Variants in LHFPL3 observed in about 807,000 individuals in gnomAD.
LHFPL3 encodes LHFPL tetraspan subfamily member 3 protein.
In LHFPL3, 5 loss-of-function variants were observed where a neutral mutation model predicts 19.3. That is an observed-to-expected ratio of 0.26 (90% confidence interval 0.14 to 0.54). The LOEUF is 0.54. Ranked by LOEUF, LHFPL3 falls within the 20% of genes least tolerant of loss-of-function variation. The pLI, the probability that LHFPL3 is intolerant of heterozygous loss-of-function variation, is 0.94. For synonymous variants in LHFPL3, 133 were observed against 126.2 expected (o/e 1.05, Z -0.36); for missense variants, 249 against 307.4 (o/e 0.81, Z 1.42).
intron 2 of LHFPL3, among the ~76,000 whole-genome samples, chr7:104,845,093 G>A (rs934015653): frequency 2.4e-4 from 36 of 152,192 alleles, no homozygotes; most frequent in African/African-American, 8.4e-4. Flanking sequence ...ACATGGTGAG[G>A]TAAGTGCTAC....
chr7:104,525,247 CTG>C (rs1488375283), intron 1 of LHFPL3, among the ~76,000 whole-genome samples: 5 of 152,166 alleles, frequency 3.3e-5, no homozygotes, highest in African/African-American at 7.2e-5. Context: ...ACTCATGTCA[CTG>C]TGTCTACATG....
chr7:104,611,313 C>T (rs1418166475), intron 1 of LHFPL3, among the ~76,000 whole-genome samples: 2 of 152,142 alleles, frequency 1.3e-5, no homozygotes, highest in African/African-American at 2.4e-5. Flanking sequence ...AGATTAGATC[C>T]AAAGTCATGT....
intron 1 of LHFPL3, among the ~76,000 whole-genome samples, chr7:104,579,860 C>T (rs983141187): frequency 6.6e-6 from 1 of 152,162 alleles, no homozygotes; most frequent in African/African-American, 2.4e-5. Flanking sequence ...TTGGAGCTGA[C>T]TGCATATCTA....
At position 104,623,482 on chromosome 7, in the gene LHFPL3, T is replaced by C. The variant is rs182889892; in HGVS notation, c.446-113193T>C. ...CTGTCTCTACTAAAAATACAAAAAC[T>C]AGCCGGGCATGGTGGTGCATGCCTG... is the stretch of plus-strand genomic sequence containing the variant. On this transcript the variant is annotated intron_variant, in intron 1 of 2. Transcript: ENST00000424859. Among the ~76,000 whole-genome samples the C allele has an allele frequency of 6.2e-3, 757 of 121,692 alleles. 6 individuals are homozygous for C. Among genetic ancestry groups the C allele is most frequent in the African/African-American group, 0.021 (713 of 33,622 alleles). 79.8% of individuals were successfully genotyped at this position (121,692 alleles called of 152,430 possible).
intron 1 of LHFPL3, among the ~76,000 whole-genome samples, chr7:104,641,763 G>A (rs1327049939): frequency 6.6e-6 from 1 of 152,132 alleles, no homozygotes; most frequent in African/African-American, 2.4e-5. Flanking sequence ...ATGTTCACAA[G>A]ATTGCCTGTT....
intron 1 of LHFPL3, among the ~76,000 whole-genome samples, chr7:104,434,241 C>T (rs1792058650): frequency 6.6e-6 from 1 of 152,140 alleles, no homozygotes; most frequent in Non-Finnish European, 1.5e-5. Context: ...AGAGCTAGGG[C>T]ATAAAAAAGG....
At chr7:104,451,682 A>G (rs1213436780) in intron 1 of LHFPL3, among the ~76,000 whole-genome samples, 1 of 152,114 alleles carries the variant, frequency 6.6e-6, no homozygotes, top group African/African-American at 2.4e-5. Context: ...TATTTTTTAA[A>G]TATTTTTGTT....
intron 1 of LHFPL3, among the ~76,000 whole-genome samples, chr7:104,553,396 T>C (rs1470730909): frequency 6.6e-6 from 1 of 152,164 alleles, no homozygotes; most frequent in Non-Finnish European, 1.5e-5. Flanking sequence ...ATAAAGAGTC[T>C]AACATCCTCA....
intron 2 of LHFPL3, among the ~76,000 whole-genome samples, chr7:104,880,891 C>T (rs965115470): frequency 6.6e-6 from 1 of 152,280 alleles, no homozygotes; most frequent in East Asian, 1.9e-4. Context: ...CTTTGTGTGG[C>T]CAGGCGCGGT....
chr7:104,728,735 A>G (rs1259415496), intron 1 of LHFPL3, among the ~76,000 whole-genome samples: 3 of 152,048 alleles, frequency 2.0e-5, no homozygotes, highest in African/African-American at 2.4e-5. Flanking sequence ...ATGCTTACTC[A>G]TTTTTCGCCT....
At chr7:104,805,158 C>A (rs949513332) in intron 2 of LHFPL3, among the ~76,000 whole-genome samples, 1 of 152,182 alleles carries the variant, frequency 6.6e-6, no homozygotes, top group Non-Finnish European at 1.5e-5. Flanking sequence ...CTTCCATTTA[C>A]CTTTCAGAGA....
chr7:104,424,850 T>A (rs768325650), intron 1 of LHFPL3, among the ~76,000 whole-genome samples: 1 of 151,668 alleles, frequency 6.6e-6, no homozygotes, highest in Non-Finnish European at 1.5e-5. Flanking sequence ...GGCGTGGTGG[T>A]GGGCACCTGT....
At position 104,614,589 on chromosome 7, in the gene LHFPL3, CTCTCTTCTCTTCTCT is replaced by C. The variant is rs148097671; in HGVS notation, c.446-122035_446-122021del. On this transcript the variant is annotated intron_variant, in intron 1 of 2. Transcript: ENST00000424859. Reference sequence around the variant, plus strand: ...TCCAAAGAGCCTCCTCTTCTCTTCTCTCTCTTCTCTTCTCTTCTCTTCTCTTCTCTTCTCTTCTCT... The same window carrying C: ...TCCAAAGAGCCTCCTCTTCTCTTCTCTCTCTTCTCTTCTCTTCTCTTCTCT... 8.2e-3 allele frequency among the ~76,000 whole-genome samples: 523 copies of C among 63,856 alleles called. 11 individuals are homozygous for C. Among genetic ancestry groups the C allele is most frequent in the African/African-American group, 0.025 (462 of 18,436 alleles). 41.9% of individuals were successfully genotyped at this position (63,856 alleles called of 152,430 possible). A position where few individuals can be genotyped will look rare whatever the true frequency, so the allele number is the denominator to read the frequency against.
In LHFPL3 at chr7:104,381,653, G is replaced by A. The variant is rs565578572; in HGVS notation, c.445+52429G>A. ...ATATAAAGTTGTGAGTAAAACAGAGGTGGTTCCTGCTTTCATAGGACTTAA... is the reference window on the plus strand; with the variant it reads ...ATATAAAGTTGTGAGTAAAACAGAGATGGTTCCTGCTTTCATAGGACTTAA... On this transcript the variant is annotated intron_variant, in intron 1 of 2. Transcript: ENST00000424859. 9.9e-5 allele frequency among the ~76,000 whole-genome samples: 15 copies of A among 152,150 alleles called. No individual in the cohort carries two copies. The South Asian group carries it at 2.9e-3, about 29-fold the overall frequency.
chr7:104,589,935 A>C (rs895150371), intron 1 of LHFPL3, among the ~76,000 whole-genome samples: 5 of 152,078 alleles, frequency 3.3e-5, no homozygotes, highest in African/African-American at 1.2e-4. Context: ...GGTAGTTTGT[A>C]TTTCTGTGGG....
intron 1 of LHFPL3, among the ~76,000 whole-genome samples, chr7:104,370,247 C>T (rs534506058): frequency 5.4e-4 from 82 of 152,254 alleles, no homozygotes; most frequent in African/African-American, 1.7e-3. Flanking sequence ...TGCAAAGAGC[C>T]TGGTTCTGAG....
At chr7:104,615,605 T>C (rs1391139211) in intron 1 of LHFPL3, among the ~76,000 whole-genome samples, 4 of 152,218 alleles carry the variant, frequency 2.6e-5, no homozygotes, top group Non-Finnish European at 4.4e-5. Context: ...ACATATGCCA[T>C]GGTGGTTTGC....
intron 2 of LHFPL3, among the ~76,000 whole-genome samples, chr7:104,771,305 A>C (rs956632052): frequency 6.6e-6 from 1 of 152,122 alleles, no homozygotes; most frequent in Non-Finnish European, 1.5e-5. Flanking sequence ...GTTTCATTTC[A>C]TTTCGTTTCA....
chr7:104,693,793 G>GTTT (rs112118633), intron 1 of LHFPL3, among the ~76,000 whole-genome samples: 68,777 of 146,222 alleles, frequency 0.47, 16,705 homozygotes, highest in East Asian at 0.56. Flanking sequence ...CTAATTGTGG[G>GTTT]GTTTTTTTTT....
Sources: allele counts gnomAD v4.1 joint callset (sites outside exome capture counted in the v4.1 genomes callset), GRCh38; gene constraint gnomAD v4.1.1; transcripts MANE v1.5; gene names NCBI Gene and HGNC (gene_info 2026-07-23, HGNC 2026-07-21).